COL13A1: variants seen among roughly 807,000 people sequenced by gnomAD.
COL13A1 encodes the protein collagen alpha-1(XIII) chain.
COL13A1 carries 89 observed loss-of-function variants against 130.9 expected under a neutral mutation model. The ratio of observed to expected loss-of-function variants is 0.68; its 90% CI spans 0.57 to 0.81. The LOEUF is 0.81. COL13A1 is among the 30% of genes least tolerant of loss of function. The pLI, the probability that COL13A1 is intolerant of heterozygous loss-of-function variation, is 0.00. For synonymous variants in COL13A1, 402 were observed against 341.6 expected (o/e 1.18, Z -1.95); for missense variants, 879 against 934.6 (o/e 0.94, Z 0.78).
intron 1 of COL13A1, among the ~76,000 whole-genome samples, chr10:69,821,784 A>T (rs1006150222): frequency 1.2e-4 from 18 of 151,902 alleles, no homozygotes; most frequent in Non-Finnish European, 8.8e-5. Context: ...GAACATGACA[A>T]CTCCTCGAGG....
chr10:69,873,515 G>A (rs2059290004), intron 4 of COL13A1, among the ~76,000 whole-genome samples: 1 of 152,176 alleles, frequency 6.6e-6, no homozygotes, highest in African/African-American at 2.4e-5. Flanking sequence ...ACAGAGCAAG[G>A]GCTGCTGCAC....
chr10:69,852,501 T>C (rs1248899423), intron 2 of COL13A1, among the ~76,000 whole-genome samples: 6 of 152,244 alleles, frequency 3.9e-5, no homozygotes, highest in Admixed American at 3.9e-4. Context: ...CTAGAAGATG[T>C]CTTTTCTACC....
intron 7 of COL13A1, among the ~76,000 whole-genome samples, chr10:69,881,374 G>T (rs1031841526): frequency 6.6e-6 from 1 of 152,128 alleles, no homozygotes; most frequent in Non-Finnish European, 1.5e-5. Flanking sequence ...GCAGGCCGCC[G>T]GCTCCACCTT....
Position 69,936,793 on chromosome 10 carries a change from G to A in COL13A1, c.1797+11G>A, listed in dbSNP as rs760099498. Reference sequence around the variant, plus strand: ...GTTCCTGGACCAAAGGTAAGGAGAAGTCACATGACAGGCGCTGTGTCAGTG... The same window carrying A: ...GTTCCTGGACCAAAGGTAAGGAGAAATCACATGACAGGCGCTGTGTCAGTG... On this transcript the variant is annotated intron_variant, in intron 33 of 40. Coordinates refer to ENST00000645393, the MANE Select transcript of COL13A1 (RefSeq NM_001368882.1). The A allele has an allele frequency of 6.8e-6, 11 of 1,613,846 alleles. No individual in the cohort carries two copies. Among genetic ancestry groups the A allele is most frequent in the Non-Finnish European group, 8.5e-6 (10 of 1,179,878 alleles).
chr10:69,937,803 G>T lies in COL13A1; in HGVS notation c.1878+88G>T, dbSNP rs988781872. 2.2e-4 allele frequency: 153 copies of T among 693,920 alleles called. 1 individual carries two copies. The highest frequency in any genetic ancestry group is 2.7e-4 in the Middle Eastern group (1 of 3,704). 43.0% of individuals were successfully genotyped at this position (693,920 alleles called of 1,614,324 possible). ...GGGGGACAGCCAGCGGAAAGCTAAG[G>T]TTCTAGAGTCTGAGCATCCAGAGTT... On this transcript the variant is annotated intron_variant, in intron 34 of 40. Transcript: ENST00000645393.
intron 17 of COL13A1, among the ~76,000 whole-genome samples, chr10:69,907,181 C>G (rs1244316695): frequency 6.6e-6 from 1 of 152,220 alleles, no homozygotes; most frequent in African/African-American, 2.4e-5. Context: ...TCACTACTTA[C>G]TGAACACATA....
At chr10:69,935,492 C>T in intron 32 of COL13A1, 101 bp downstream of exon 32, 1 of 883,024 alleles carries the variant, frequency 1.1e-6, no homozygotes, top group Admixed American at 3.3e-5. Flanking sequence ...CCTCTTCCTC[C>T]CAGGGAGGGA....
At chr10:69,860,794 G>A in intron 2 of COL13A1, 1 of 214,452 alleles carries the variant, frequency 4.7e-6, no homozygotes, top group Non-Finnish European at 9.8e-6. Context: ...CATCAAGGGA[G>A]CTGCAGGGAT....
chr10:69,866,148 A>G (rs1003559855), intron 2 of COL13A1, among the ~76,000 whole-genome samples: 2 of 152,174 alleles, frequency 1.3e-5, no homozygotes, highest in African/African-American at 4.8e-5. Context: ...TCCTCCTGCT[A>G]CCCAGCTGAG....
At chr10:69,836,223 G>A (rs1325843131) in intron 2 of COL13A1, among the ~76,000 whole-genome samples, 3 of 152,250 alleles carry the variant, frequency 2.0e-5, no homozygotes, top group Non-Finnish European at 4.4e-5. Context: ...TAACTCAGTG[G>A]CTGCTGCAGA....
Position 69,956,857 on chromosome 10 carries a change from T to C in COL13A1, c.2146-147T>C, listed in dbSNP as rs377251550. ...TCCACCTCCTTCTGAGGTTCTGACC[T>C]GTAGTAGAGAAAAGAAATAGACAAG... On this transcript the variant is annotated intron_variant, in intron 39 of 40. Transcript: ENST00000645393. 605 of 647,340 alleles carry C rather than the reference T, an allele frequency of 9.3e-4. 3 individuals carry two copies. The highest frequency in any genetic ancestry group is 9.1e-3 in the African/African-American group (509 of 55,768). The allele number at this position is 647,340 out of a possible 1,614,324, so 40.1% of individuals were successfully genotyped here. A position where few individuals can be genotyped will look rare whatever the true frequency, so the allele number is the denominator to read the frequency against.
At chr10:69,918,440 G>A (rs1404006858) in intron 19 of COL13A1, 123 bp downstream of exon 19, 5 of 937,756 alleles carry the variant, frequency 5.3e-6, no homozygotes, top group African/African-American at 3.3e-5. Flanking sequence ...ACAGGATTTG[G>A]AAACATTTTT....
At chr10:69,924,472 C>A (rs1375636113) in intron 24 of COL13A1, among the ~76,000 whole-genome samples, 1 of 152,100 alleles carries the variant, frequency 6.6e-6, no homozygotes, top group Non-Finnish European at 1.5e-5. Context: ...CACCCATGTC[C>A]TCCTGAGACC....
intron 15 of COL13A1, among the ~76,000 whole-genome samples, chr10:69,904,326 A>C (rs1385946758): frequency 6.6e-6 from 1 of 152,186 alleles, no homozygotes; most frequent in African/African-American, 2.4e-5. Context: ...AAAACCAGAG[A>C]GCATGTTTCT....
intron 3 of COL13A1, 56 bp downstream of exon 3, chr10:69,867,861 T>C: frequency 1.4e-6 from 1 of 717,982 alleles, no homozygotes. Context: ...CACCTGCTGG[T>C]AACGGGGTTC....
chr10:69,902,633 C>T (rs1332628755), intron 14 of COL13A1, 115 bp from the exon 15 acceptor site: 1 of 777,398 alleles, frequency 1.3e-6, no homozygotes, highest in East Asian at 3.1e-5. Context: ...CCCCCATCAC[C>T]ACTCCTTCCC....
In COL13A1 at chr10:69,877,976, C is replaced by T. The variant is rs568460971; in HGVS notation, c.436-63C>T. 5 of 696,114 alleles carry T rather than the reference C, an allele frequency of 7.2e-6. No homozygotes were observed. The East Asian group carries it at 1.1e-4, about 15-fold the overall frequency. 43.1% of individuals were successfully genotyped at this position (696,114 alleles called of 1,614,324 possible). A position where few individuals can be genotyped will look rare whatever the true frequency, so the allele number is the denominator to read the frequency against. On this transcript the variant is annotated intron_variant, in intron 5 of 40. Coordinates refer to ENST00000645393, the MANE Select transcript of COL13A1 (RefSeq NM_001368882.1). ...TCTCGTGTGGGTGCCTCTTTCTCAT[C>T]CCCTCTTTTTTCTCTCCCCTCCTTT...
At chr10:69,873,704 G>A (rs934024320) in intron 4 of COL13A1, among the ~76,000 whole-genome samples, 5 of 152,190 alleles carry the variant, frequency 3.3e-5, no homozygotes, top group East Asian at 1.9e-4. Context: ...CCGACCACCC[G>A]CCCTGGCCTG....
Position 69,945,694 on chromosome 10 carries a change from G to A in COL13A1, c.1992G>A (p.Met664Ile). ...GERGSKGDPG[M>I]TGPTGAAGLP... ...AGGGCAGCAAAGGAGACCCTGGGAT[G>A]ACAGGACCAACGGGAGCAGCTGGGC... Residue 664 changes from methionine (M) to isoleucine (I), a missense_variant, in exon 37 of 41, where the codon ATG becomes ATA. Met to Ile is a conservative substitution (Grantham distance 10). Around this residue, in one of 3 missense-constraint regions of COL13A1, gnomAD observed 96 missense variants for 147.7 expected, o/e 0.65. Coordinates refer to ENST00000645393, the MANE Select transcript of COL13A1 (RefSeq NM_001368882.1). 1.2e-6 allele frequency: 2 copies of A among 1,613,154 alleles called. No homozygotes were observed. Among genetic ancestry groups the A allele is most frequent in the Non-Finnish European group, 1.7e-6 (2 of 1,179,568 alleles).
Sources: gnomAD v4.1 joint callset for allele counts (sites outside exome capture counted in the v4.1 genomes callset) on GRCh38, gnomAD v4.1.1 for gene constraint, gnomAD v4.1.1 regional missense constraint, MANE v1.5 for transcripts, NCBI Gene and HGNC (gene_info 2026-07-23, HGNC 2026-07-21) for gene names.